The following CCDC88A variants were observed in gnomAD, a reference collection of about 807,000 sequenced individuals.
CCDC88A encodes the protein girdin.
Under a neutral mutation model 234.3 loss-of-function variants are expected in CCDC88A, and 54 were observed. The observed-to-expected ratio is 0.23, with a 90% confidence interval of 0.19 to 0.29. The LOEUF is 0.29. Among genes scored for constraint, CCDC88A ranks in the 10% least tolerant of loss-of-function variants. The pLI is 1.00. For missense variants in CCDC88A, 1,832 were observed against 2,123.4 expected (o/e 0.86, Z 2.70); for synonymous variants, 753 against 737.8 (o/e 1.02, Z -0.33).
chr2:55,305,029 A>G (rs986001688), intron 25 of CCDC88A, among the ~76,000 whole-genome samples: 1 of 152,204 alleles, frequency 6.6e-6, no homozygotes, highest in African/African-American at 2.4e-5. Flanking sequence ...TTAAGCTTTT[A>G]GTTTGACCTA....
intron 11 of CCDC88A, chr2:55,344,052 A>G: frequency 8.0e-6 from 3 of 374,316 alleles, no homozygotes; most frequent in Non-Finnish European, 9.4e-6. Context: ...GTGATACAAC[A>G]AAAGAATTAT....
At position 55,301,858 on chromosome 2, in the gene CCDC88A, C is replaced by T; in HGVS notation, c.4672+14G>A. 1 of 1,610,040 alleles carries T rather than the reference C, an allele frequency of 6.2e-7. No individual in the cohort carries two copies. Among genetic ancestry groups the T allele is most frequent in the Non-Finnish European group, 8.5e-7 (1 of 1,177,014 alleles). The stretch of plus-strand genomic sequence containing the variant: ...AACAATTACACCACAGTGCAAATAG[C>T]AGACAGCCTATACCTTTATTATTAA... On this transcript the variant is annotated intron_variant, in intron 27 of 32. Transcript: ENST00000436346.
chr2:55,399,222 G>T (rs1326247589), intron 2 of CCDC88A, among the ~76,000 whole-genome samples: 2 of 152,024 alleles, frequency 1.3e-5, no homozygotes, highest in East Asian at 1.9e-4. Context: ...AATAACAGAA[G>T]AAATTGCTTT....
At chr2:55,316,225 CTG>C (rs1205864941) in intron 21 of CCDC88A, 111 bp from the exon 22 acceptor site, 7 of 446,302 alleles carry the variant, frequency 1.6e-5, no homozygotes, top group African/African-American at 6.1e-5. Flanking sequence ...GAATAAAAGA[CTG>C]TTTTACAAGT....
Position 55,303,091 on chromosome 2 carries a change from C to G in CCDC88A, c.4449G>C (p.Lys1483Asn). 1.9e-6 allele frequency: 3 copies of G among 1,551,214 alleles called. No homozygotes were observed. Among genetic ancestry groups the G allele is most frequent in the Non-Finnish European group, 2.6e-6 (3 of 1,146,372 alleles). Residue 1483 changes from lysine (K) to asparagine (N), a missense_variant, in exon 26 of 33, where the codon AAG becomes AAC. This residue lies in a region of CCDC88A where 1,282 missense variants were observed against 1,543.6 expected (regional missense o/e 0.83). Transcript: ENST00000436346. ...TACACATGGAACGACGGTAGCAGGC[C>G]TTCATTTTGTCTTTATCCTTCGGTC... ...RNRPKDKDKM[K>N]ACYRRSMSMN... is the part of the protein sequence containing the mutation.
At chr2:55,325,143 GATCA>G (rs1329559430) in intron 17 of CCDC88A, among the ~76,000 whole-genome samples, 2 of 152,278 alleles carry the variant, frequency 1.3e-5, no homozygotes, top group South Asian at 4.1e-4. Flanking sequence ...TGAATCAAGA[GATCA>G]ATCTGGGGAA....
intron 2 of CCDC88A, chr2:55,418,382 AC>A (rs1681818265): frequency 6.0e-6 from 1 of 165,688 alleles, no homozygotes; most frequent in Admixed American, 5.8e-5. Context: ...CTATTACTTA[AC>A]GAGTTTCAAA....
intron 3 of CCDC88A, among the ~76,000 whole-genome samples, chr2:55,386,753 T>G (rs960734542): frequency 6.6e-6 from 1 of 151,864 alleles, no homozygotes; most frequent in Non-Finnish European, 1.5e-5. Flanking sequence ...ATTACAGGTG[T>G]GAGCCACTGT....
rs1681970988 is a variant in CCDC88A at position 55,419,392 on chromosome 2, AC to A, written c.-314del. ...AAGGGAAAGGGGGCTGGAACCCAAG[AC>A]AAAAAGCCCGTCAAGGTTGTCCAGC... On this transcript the variant is annotated 5_prime_UTR_variant, in exon 1 of 33. Coordinates refer to ENST00000436346, the MANE Select transcript of CCDC88A (RefSeq NM_001365480.1). 5.8e-6 allele frequency: 2 copies of A among 343,224 alleles called. No individual in the cohort carries two copies. Among genetic ancestry groups the A allele is most frequent in the South Asian group, 6.4e-5 (2 of 31,152 alleles). The allele number at this position is 343,224 out of a possible 1,614,324, so 21.3% of individuals were successfully genotyped here. A position where few individuals can be genotyped will look rare whatever the true frequency, so the allele number is the denominator to read the frequency against.
At chr2:55,364,055 G>T in intron 5 of CCDC88A, 22 bp from the exon 6 acceptor site, 3 of 1,153,378 alleles carry the variant, frequency 2.6e-6, no homozygotes, top group Non-Finnish European at 3.8e-6. Context: ...GAATAAAATA[G>T]TTATTCATAC....
At chr2:55,381,088 G>A (rs926697894) in intron 3 of CCDC88A, among the ~76,000 whole-genome samples, 4 of 152,044 alleles carry the variant, frequency 2.6e-5, no homozygotes, top group African/African-American at 7.3e-5. Context: ...AAATACCATT[G>A]TGTTACAACT....
In CCDC88A at chr2:55,346,220, A is replaced by G. The variant is rs1341628614; in HGVS notation, c.996T>C (p.Tyr332=). 3.1e-6 allele frequency: 5 copies of G among 1,611,334 alleles called. No homozygotes were observed. Among genetic ancestry groups the G allele is most frequent in the South Asian group, 1.1e-5 (1 of 90,838 alleles). The stretch of plus-strand genomic sequence containing the variant: ...ATTCAATATCATGTAGTCTCTCTTT[A>G]TATCTGCTGACTTCACTTTCAAGCT... ...VDKLESEVSR[Y]KERLHDIEFY... The change falls in exon 10 of 33, where the codon TAT becomes TAC. Residue 332 remains tyrosine, a synonymous_variant. Transcript: ENST00000436346.
At chr2:55,297,828 C>A (rs1680377254) in intron 29 of CCDC88A, among the ~76,000 whole-genome samples, 1 of 152,046 alleles carries the variant, frequency 6.6e-6, no homozygotes, top group Admixed American at 6.6e-5. Context: ...TTGAAGGCTT[C>A]TCTGTTCATC....
In CCDC88A at chr2:55,378,345, T is replaced by C. The variant is rs988910555; in HGVS notation, c.274-3462A>G. On this transcript the variant is annotated intron_variant, in intron 3 of 32. Transcript: ENST00000436346. ...CGCTATGAAGTCTATGTTTGGATGA[T>C]GCAAATTGCTAAATTCAAACTTACC... 3.7e-4 allele frequency among the ~76,000 whole-genome samples: 56 copies of C among 152,250 alleles called. 2 individuals carry two copies. Among genetic ancestry groups the C allele is most frequent in the Non-Finnish European group, 3.4e-4 (23 of 68,034 alleles).
At chr2:55,353,465 C>A (rs1212284673) in intron 8 of CCDC88A, among the ~76,000 whole-genome samples, 1 of 152,116 alleles carries the variant, frequency 6.6e-6, no homozygotes, top group African/African-American at 2.4e-5. Flanking sequence ...ATGCAGACAT[C>A]CACAAATGAA....
chr2:55,341,449 C>CTT, intron 12 of CCDC88A, among the ~76,000 whole-genome samples: 1 of 137,010 alleles, frequency 7.3e-6, no homozygotes, highest in African/African-American at 2.7e-5. Context: ...TCCCCGCCCC[C>CTT]TTTTTTTTTT....
intron 5 of CCDC88A, among the ~76,000 whole-genome samples, chr2:55,364,418 C>T (rs985186887): frequency 6.6e-6 from 1 of 151,974 alleles, no homozygotes; most frequent in Non-Finnish European, 1.5e-5. Context: ...CGGAATACAG[C>T]CAAAATGCTC....
intron 25 of CCDC88A, chr2:55,308,275 A>G (rs938647906): frequency 5.9e-5 from 9 of 153,060 alleles, no homozygotes; most frequent in African/African-American, 1.9e-4. Context: ...CAATCCTTCA[A>G]TAATTTTCTT....
chr2:55,399,175 A>C (rs1173225320), intron 2 of CCDC88A, among the ~76,000 whole-genome samples: 1 of 152,088 alleles, frequency 6.6e-6, no homozygotes, highest in Non-Finnish European at 1.5e-5. Context: ...AAATCAAGAA[A>C]TACCAGAATA....
Sources: allele counts gnomAD v4.1 joint callset (sites outside exome capture counted in the v4.1 genomes callset), GRCh38; gene constraint gnomAD v4.1.1; regional missense constraint gnomAD v4.1.1; transcripts MANE v1.5; gene names NCBI Gene and HGNC (gene_info 2026-07-23, HGNC 2026-07-21).